Variants in SRGAP3 observed in about 807,000 individuals in gnomAD.
SRGAP3 encodes SLIT-ROBO Rho GTPase-activating protein 3.
Under a neutral mutation model 121.1 loss-of-function variants are expected in SRGAP3, and 39 were observed. The ratio of observed to expected loss-of-function variants is 0.32; its 90% CI spans 0.25 to 0.42. The LOEUF (loss-of-function observed/expected upper bound fraction) is 0.42, where lower values mean the gene tolerates loss of function less well. Ranked by LOEUF, SRGAP3 falls within the 10% of genes least tolerant of loss-of-function variation. SRGAP3 has a pLI of 1.00. For synonymous variants in SRGAP3, 601 were observed against 570.0 expected, an observed-to-expected ratio of 1.05 and a Z score of -0.77; for missense variants, 1,213 against 1,470.6, an observed-to-expected ratio of 0.82 and a Z score of 2.86.
intron 1 of SRGAP3, among the ~76,000 whole-genome samples, chr3:9,240,428 G>A (rs959545879): frequency 1.3e-5 from 2 of 151,986 alleles, no homozygotes; most frequent in African/African-American, 2.4e-5. Flanking sequence ...TCAATTTCAG[G>A]AGGCAGCCCA....
At chr3:9,301,422 T>C (rs975925995) in intron 3 of SRGAP3, among the ~76,000 whole-genome samples, 2 of 152,246 alleles carry the variant, frequency 1.3e-5, no homozygotes, top group African/African-American at 4.8e-5. Context: ...AAAGGCTCCA[T>C]GGCTAACTTA....
intron 1 of SRGAP3, among the ~76,000 whole-genome samples, chr3:9,352,409 G>A (rs979043006): frequency 6.6e-6 from 1 of 151,856 alleles, no homozygotes; most frequent in Admixed American, 6.6e-5. Flanking sequence ...GAGTTGCTGG[G>A]ATTACAGGCA....
At chr3:9,208,200 T>C (rs960436206) in intron 1 of SRGAP3, among the ~76,000 whole-genome samples, 2 of 152,224 alleles carry the variant, frequency 1.3e-5, no homozygotes, top group Admixed American at 6.5e-5. Context: ...GAGATGTTTA[T>C]GGGTTTTGAC....
chr3:9,102,630 GCTCCGTCCGCGC>G (rs1177946683), intron 3 of SRGAP3, among the ~76,000 whole-genome samples: 1 of 152,224 alleles, frequency 6.6e-6, no homozygotes, highest in East Asian at 1.9e-4. Context: ...AGCCAGCCAG[GCTCCGTCCGCGC>G]CTCTCTCCAA....
intron 1 of SRGAP3, among the ~76,000 whole-genome samples, chr3:9,230,710 AT>A (rs938877682): frequency 6.6e-6 from 1 of 151,676 alleles, no homozygotes; most frequent in Non-Finnish European, 1.5e-5. Context: ...TCTCTACAAA[AT>A]TTTTTTTTAA....
chr3:9,104,218 G>A (rs1420858577), intron 3 of SRGAP3, among the ~76,000 whole-genome samples: 1 of 152,160 alleles, frequency 6.6e-6, no homozygotes, highest in African/African-American at 2.4e-5. Context: ...TATGCATTAT[G>A]ATCTGATTTA....
intron 1 of SRGAP3, among the ~76,000 whole-genome samples, chr3:9,245,640 A>C (rs1953791549): frequency 6.6e-6 from 1 of 152,184 alleles, no homozygotes; most frequent in Non-Finnish European, 1.5e-5. Flanking sequence ...AATGCTTACA[A>C]GGGTCAGGCA....
chr3:9,042,836 C>A (rs1945085792), intron 10 of SRGAP3, among the ~76,000 whole-genome samples: 1 of 152,186 alleles, frequency 6.6e-6, no homozygotes, highest in South Asian at 2.1e-4. Context: ...TCCCCCTCCT[C>A]TGGGTTCCCA....
intron 1 of SRGAP3, among the ~76,000 whole-genome samples, chr3:9,212,497 G>A (rs1362078752): frequency 1.6e-5 from 2 of 126,744 alleles, no homozygotes; most frequent in Non-Finnish European, 3.0e-5. Flanking sequence ...TGAGGCAGGC[G>A]GATCACGAGG....
chr3:9,317,272 C>T (rs558566949), intron 3 of SRGAP3, among the ~76,000 whole-genome samples: 32 of 152,308 alleles, frequency 2.1e-4, no homozygotes, highest in African/African-American at 7.0e-4. Flanking sequence ...CACTTCCTGA[C>T]CCAGAAACAG....
intron 4 of SRGAP3, among the ~76,000 whole-genome samples, chr3:9,065,734 T>C (rs73811424): frequency 1.1e-3 from 175 of 152,374 alleles, no homozygotes; most frequent in African/African-American, 4.1e-3. Flanking sequence ...TACTTAGTCA[T>C]ATGTCCACAG....
At chr3:9,211,455 G>A (rs1212485436) in intron 1 of SRGAP3, among the ~76,000 whole-genome samples, 1 of 152,228 alleles carries the variant, frequency 6.6e-6, no homozygotes, top group African/African-American at 2.4e-5. Context: ...GAGGGCCCTA[G>A]AGAGGGATAT....
chr3:9,103,670 A>G (rs1948303805), intron 3 of SRGAP3, among the ~76,000 whole-genome samples: 1 of 152,224 alleles, frequency 6.6e-6, no homozygotes, highest in African/African-American at 2.4e-5. Flanking sequence ...GAAGTAGCTG[A>G]TCTTAACCCT....
At chr3:8,997,957 T>G (rs1942511866) in intron 18 of SRGAP3, among the ~76,000 whole-genome samples, 1 of 151,736 alleles carries the variant, frequency 6.6e-6, no homozygotes, top group Admixed American at 6.6e-5. Flanking sequence ...CATGACTCAC[T>G]GCAACTTGAA....
At chr3:9,114,294 C>G (rs776022266) in intron 2 of SRGAP3, among the ~76,000 whole-genome samples, 2 of 152,142 alleles carry the variant, frequency 1.3e-5, no homozygotes, top group African/African-American at 2.4e-5. Context: ...GGTGTCAAAC[C>G]CTGCACATAA....
chr3:9,130,278 C>T (rs17050063), intron 1 of SRGAP3, among the ~76,000 whole-genome samples: 21,370 of 152,048 alleles, frequency 0.14, 1,688 homozygotes, highest in African/African-American at 0.22. Context: ...CAAGGCTTTA[C>T]GTAAACCAAG....
chr3:9,208,087 A>G (rs1382886674), intron 1 of SRGAP3, among the ~76,000 whole-genome samples: 3 of 151,862 alleles, frequency 2.0e-5, no homozygotes, highest in African/African-American at 7.3e-5. Context: ...CCCGCAAATG[A>G]TTCATCTTTG....
At chr3:9,324,624 G>T (rs931362389) in intron 3 of SRGAP3, among the ~76,000 whole-genome samples, 1 of 151,796 alleles carries the variant, frequency 6.6e-6, no homozygotes, top group African/African-American at 2.4e-5. Flanking sequence ...CATGAGCTCA[G>T]TGCAAAATAA....
chr3:9,074,527 A>G (rs1946867555), intron 4 of SRGAP3, among the ~76,000 whole-genome samples: 1 of 152,230 alleles, frequency 6.6e-6, no homozygotes, highest in Non-Finnish European at 1.5e-5. Context: ...AGGTCAACTT[A>G]AAGAAAAATA....
Sources: gnomAD v4.1 joint callset for allele counts (sites outside exome capture counted in the v4.1 genomes callset) on GRCh38, gnomAD v4.1.1 for gene constraint, MANE v1.5 for transcripts, NCBI Gene and HGNC (gene_info 2026-07-23, HGNC 2026-07-21) for gene names.